The following SLC2A13 variants were observed in gnomAD, a reference collection of about 807,000 sequenced individuals.
SLC2A13 encodes the protein solute carrier family 2 member 13, also known as proton myo-inositol cotransporter.
In SLC2A13, 32 loss-of-function variants were observed where a neutral mutation model predicts 64.4. That is an observed-to-expected ratio of 0.50 (90% CI 0.37 to 0.67). The LOEUF (loss-of-function observed/expected upper bound fraction) is 0.67, where lower values mean the gene tolerates loss of function less well. Ranked by LOEUF, SLC2A13 falls within the 30% of genes least tolerant of loss-of-function variation. The pLI, the probability that SLC2A13 is intolerant of heterozygous loss-of-function variation, is 0.00. For missense variants in SLC2A13, 743 were observed against 829.2 expected (o/e 0.90, Z 1.28); for synonymous variants, 338 against 327.1 (o/e 1.03, Z -0.36).
rs1480651884 is a variant in SLC2A13, at chr12:40,105,628, C to G, written c.181G>C (p.Val61Leu). 3.4e-6 allele frequency: 5 copies of G among 1,484,290 alleles called. No homozygotes were observed. The highest frequency in any genetic ancestry group is 2.8e-5 in the East Asian group (1 of 35,454). 91.9% of individuals were successfully genotyped at this position (1,484,290 alleles called of 1,614,324 possible). The part of the protein sequence containing the change: ...LQSAGAGGGG[V>L]GDLERAARRQ... ...CGCGCCGCGCGCTCCAGGTCCCCGACGCCGCCGCCGCCCGCGCCCGCGCTC... is the reference window on the plus strand; with the variant it reads ...CGCGCCGCGCGCTCCAGGTCCCCGAGGCCGCCGCCGCCCGCGCCCGCGCTC... The change falls in exon 1 of 10, where the codon GTC becomes CTC. Residue 61 changes from valine (V) to leucine (L), a missense_variant. Transcript: ENST00000280871. This position sits in a 1 kb window ranked among gnomAD's most constrained non-coding sequence, Gnocchi z 4.2.
intron 3 of SLC2A13, among the ~76,000 whole-genome samples, chr12:39,961,614 T>G (rs547036896): frequency 6.6e-6 from 1 of 152,212 alleles, no homozygotes; most frequent in Admixed American, 6.5e-5. Context: ...TCCTCTCGCC[T>G]CAACCTCCCG....
intron 2 of SLC2A13, among the ~76,000 whole-genome samples, chr12:40,030,978 T>TA (rs1947894065): frequency 6.6e-6 from 1 of 152,122 alleles, no homozygotes; most frequent in Admixed American, 6.5e-5. Flanking sequence ...GATTAGTCAA[T>TA]AAAAAAATGT....
intron 7 of SLC2A13, among the ~76,000 whole-genome samples, chr12:39,783,984 A>G (rs1375681305): frequency 1.3e-5 from 2 of 152,210 alleles, no homozygotes; most frequent in Non-Finnish European, 2.9e-5. Flanking sequence ...AATTGCTTCA[A>G]AGAGAATAAA....
intron 4 of SLC2A13, among the ~76,000 whole-genome samples, chr12:39,908,523 G>A (rs1945350580): frequency 6.6e-6 from 1 of 151,882 alleles, no homozygotes; most frequent in South Asian, 2.1e-4. Flanking sequence ...GCAATAGATT[G>A]TGTTAGTAGA....
chr12:39,760,300 G>C (rs549080721), intron 9 of SLC2A13, 48 bp from the exon 10 acceptor site: 12 of 1,505,182 alleles, frequency 8.0e-6, no homozygotes, highest in East Asian at 2.4e-5. Context: ...ATAGAGAGAG[G>C]CTTAAGTTGG....
chr12:39,925,548 T>C (rs917127368), intron 4 of SLC2A13, among the ~76,000 whole-genome samples: 3 of 152,216 alleles, frequency 2.0e-5, no homozygotes, highest in Admixed American at 6.6e-5. Context: ...TCCACCTGCA[T>C]ACTTTAAAAA....
Position 39,862,407 on chromosome 12 carries a change from T to C in SLC2A13, c.1319+2355A>G, listed in dbSNP as rs79453581. On this transcript the variant is annotated intron_variant, in intron 6 of 9. Coordinates refer to ENST00000280871, the MANE Select transcript of SLC2A13 (RefSeq NM_052885.4). ...CTCATCACTGTGGTCTATAGATTTC[T>C]ACAAGTGGACGTGCTGAGTCAATGG... Among the ~76,000 whole-genome samples, 1,037 of 152,356 alleles carry C rather than the reference T, an allele frequency of 6.8e-3. 8 individuals are homozygous for C. The highest frequency in any genetic ancestry group is 8.8e-3 in the Admixed American group (135 of 15,298).
At chr12:40,061,688 C>T (rs534249518) in intron 1 of SLC2A13, among the ~76,000 whole-genome samples, 2 of 151,934 alleles carry the variant, frequency 1.3e-5, no homozygotes, top group East Asian at 3.9e-4. Flanking sequence ...CAAGTGGGGT[C>T]GTGAACCCAA....
At chr12:39,909,703 T>C (rs11833368) in intron 4 of SLC2A13, among the ~76,000 whole-genome samples, 66,278 of 151,994 alleles carry the variant, frequency 0.44, 14,949 homozygotes, top group East Asian at 0.76. Context: ...CCACTAAGTG[T>C]TCTGCACAGA....
intron 3 of SLC2A13, among the ~76,000 whole-genome samples, chr12:39,972,517 T>C (rs1232156287): frequency 6.6e-6 from 1 of 152,124 alleles, no homozygotes; most frequent in Non-Finnish European, 1.5e-5. Flanking sequence ...ATCCAAAATG[T>C]GAAAAGATCA....
At chr12:39,876,077 C>T (rs1396742516) in intron 4 of SLC2A13, among the ~76,000 whole-genome samples, 1 of 152,204 alleles carries the variant, frequency 6.6e-6, no homozygotes, top group East Asian at 1.9e-4. Context: ...AAACTATCAT[C>T]TTCTTCAAAG....
intron 7 of SLC2A13, among the ~76,000 whole-genome samples, chr12:39,769,480 G>A (rs1268866367): frequency 6.6e-6 from 1 of 151,960 alleles, no homozygotes; most frequent in Non-Finnish European, 1.5e-5. Flanking sequence ...TTCTCTATCA[G>A]CTTCTACTTT....
chr12:39,918,484 A>G (rs1440568926), intron 4 of SLC2A13, among the ~76,000 whole-genome samples: 1 of 151,982 alleles, frequency 6.6e-6, no homozygotes, highest in Non-Finnish European at 1.5e-5. Context: ...AAGCATGAAA[A>G]GATCTGCTTG....
intron 7 of SLC2A13, among the ~76,000 whole-genome samples, chr12:39,803,068 G>T (rs1592151679): frequency 6.6e-6 from 1 of 152,234 alleles, no homozygotes; most frequent in East Asian, 1.9e-4. Flanking sequence ...TTTCAGAAAG[G>T]AGAAGTAAAG....
intron 6 of SLC2A13, among the ~76,000 whole-genome samples, chr12:39,841,994 C>A (rs983867482): frequency 4.6e-5 from 7 of 152,002 alleles, no homozygotes; most frequent in African/African-American, 1.7e-4. Flanking sequence ...TCATTTAATT[C>A]TTACATTGGC....
In SLC2A13 at chr12:39,764,748, A is replaced by T. The variant is rs529533390; in HGVS notation, c.1556T>A (p.Phe519Tyr). 2 of 1,612,648 alleles carry T rather than the reference A, an allele frequency of 1.2e-6. No homozygotes were observed. Among genetic ancestry groups the T allele is most frequent in the South Asian group, 2.2e-5 (2 of 90,888 alleles). ...ALLGLILYLV[F>Y]FAPGMGPMPW... ...AAGTCTTTGTTTACCAGGTGCAAAGAAGACAAGATATAAAATAAGGCCCAG... is the reference window on the plus strand; with the variant it reads ...AAGTCTTTGTTTACCAGGTGCAAAGTAGACAAGATATAAAATAAGGCCCAG... Residue 519 changes from phenylalanine (F) to tyrosine (Y), a missense_variant, in exon 8 of 10, where the codon TTC (phenylalanine) becomes TAC (tyrosine). This residue lies in a region of SLC2A13 where 295 missense variants were observed against 381.7 expected (regional missense o/e 0.77). Transcript: ENST00000280871.
intron 7 of SLC2A13, among the ~76,000 whole-genome samples, chr12:39,820,582 T>C (rs77919833): frequency 0.022 from 3,415 of 152,120 alleles, 119 homozygotes; most frequent in African/African-American, 0.078. Context: ...GCAGCGGTTC[T>C]TTGATTTGAA....
chr12:39,868,386 G>C (rs1197480805), intron 5 of SLC2A13, among the ~76,000 whole-genome samples: 1 of 152,106 alleles, frequency 6.6e-6, no homozygotes, highest in Non-Finnish European at 1.5e-5. Flanking sequence ...TGGCTTATTA[G>C]TAAATACTCA....
chr12:40,105,994 C>G lies in SLC2A13; in HGVS notation c.-186G>C. 1.6e-6 allele frequency: 1 copy of G among 606,538 alleles called. No homozygotes were observed. Among genetic ancestry groups the G allele is most frequent in the Non-Finnish European group, 2.5e-6 (1 of 405,592 alleles). 37.6% of individuals were successfully genotyped at this position (606,538 alleles called of 1,614,324 possible). ...CTCCGGGGAGAAAGTTGCTGCCCGC[C>G]GCGCTCCGACGCTGCGGAGTTGGAG... On this transcript the variant is annotated 5_prime_UTR_variant, in exon 1 of 10. Coordinates refer to ENST00000280871, the MANE Select transcript of SLC2A13 (RefSeq NM_052885.4). This position sits in a 1 kb window ranked among gnomAD's most constrained non-coding sequence, Gnocchi z 4.2.
Sources: gnomAD v4.1 joint callset for allele counts (sites outside exome capture counted in the v4.1 genomes callset) on GRCh38, gnomAD v4.1.1 for gene constraint, gnomAD v4.1.1 regional missense constraint, Gnocchi (gnomAD v3.1) non-coding constraint, MANE v1.5 for transcripts, NCBI Gene and HGNC (gene_info 2026-07-23, HGNC 2026-07-21) for gene names.